Variants in APBB2 observed in about 807,000 individuals in gnomAD.
The protein encoded by APBB2 is amyloid beta precursor protein binding family B member 2.
APBB2 carries 38 observed loss-of-function variants against 82.5 expected under a neutral mutation model. That is an observed-to-expected ratio of 0.46 (90% CI 0.36 to 0.60). The LOEUF is 0.60. Ranked by LOEUF, APBB2 falls within the 20% of genes least tolerant of loss-of-function variation. APBB2 has a pLI of 0.00. For synonymous variants in APBB2, 341 were observed against 368.2 expected (o/e 0.93, Z 0.85); for missense variants, 772 against 972.3 (o/e 0.79, Z 2.74).
chr4:40,820,430 G>T (rs1399516310), intron 17 of APBB2, among the ~76,000 whole-genome samples: 1 of 152,154 alleles, frequency 6.6e-6, no homozygotes, highest in Non-Finnish European at 1.5e-5. Context: ...TTGGGAGGCT[G>T]AGGCGGGTGG....
At chr4:41,084,279 C>A (rs1280630359) in intron 3 of APBB2, among the ~76,000 whole-genome samples, 1 of 152,084 alleles carries the variant, frequency 6.6e-6, no homozygotes, top group Non-Finnish European at 1.5e-5. Flanking sequence ...ACAAAATTAA[C>A]CAGGCATGGT....
chr4:41,170,167 C>T (rs988072769), intron 1 of APBB2, among the ~76,000 whole-genome samples: 1 of 152,182 alleles, frequency 6.6e-6, no homozygotes, highest in African/African-American at 2.4e-5. Flanking sequence ...AACTGAAGTC[C>T]AGGGACATTT....
intron 1 of APBB2, among the ~76,000 whole-genome samples, chr4:41,175,396 T>C (rs1023571555): frequency 3.6e-4 from 55 of 152,342 alleles, no homozygotes; most frequent in African/African-American, 1.3e-3. Flanking sequence ...AATGTAACTT[T>C]ATTTCTGTCG....
chr4:41,191,050 G>T (rs965155102), intron 1 of APBB2, among the ~76,000 whole-genome samples: 1 of 152,136 alleles, frequency 6.6e-6, no homozygotes, highest in African/African-American at 2.4e-5. Flanking sequence ...AGCTTGGCAG[G>T]GACCCAGCGG....
chr4:40,898,208 C>G (rs558649468), intron 10 of APBB2, among the ~76,000 whole-genome samples: 74 of 152,312 alleles, frequency 4.9e-4, no homozygotes, highest in Middle Eastern at 3.4e-3. Flanking sequence ...TGGTAAAATG[C>G]TTAGCATCAT....
At chr4:41,199,164 A>G (rs1214443836) in intron 1 of APBB2, among the ~76,000 whole-genome samples, 2 of 147,638 alleles carry the variant, frequency 1.4e-5, no homozygotes, top group African/African-American at 5.2e-5. Context: ...TTTGGGGGGG[A>G]CACAATTTAA....
intron 3 of APBB2, among the ~76,000 whole-genome samples, chr4:41,067,955 G>T (rs756208865): frequency 6.6e-6 from 1 of 152,144 alleles, no homozygotes; most frequent in Admixed American, 6.5e-5. Flanking sequence ...AAAGTCTAAG[G>T]GGGAAGAGGT....
chr4:41,019,880 AAGTC>A (rs1811001692), intron 5 of APBB2, among the ~76,000 whole-genome samples: 1 of 151,990 alleles, frequency 6.6e-6, no homozygotes, highest in African/African-American at 2.4e-5. Context: ...AGGAGACAGA[AAGTC>A]AGAGAGAGAG....
At chr4:41,060,867 C>A (rs542080982) in intron 4 of APBB2, among the ~76,000 whole-genome samples, 2 of 152,264 alleles carry the variant, frequency 1.3e-5, no homozygotes, top group South Asian at 4.1e-4. Context: ...CAGGAGCAGC[C>A]CACACAGACT....
In APBB2 at chr4:40,910,221, C is replaced by T. The variant is rs1053824485; in HGVS notation, c.1255-16810G>A. On this transcript the variant is annotated intron_variant, in intron 10 of 17. Coordinates refer to ENST00000508593, the MANE Select transcript of APBB2 (RefSeq NM_004307.2). ...GACTTCAGGTGATCCGCCGCCTCGG[C>T]CTCCTAAAGTGCACTAGTCTTTTTT... Among the ~76,000 whole-genome samples, 3 of 151,490 alleles carry T rather than the reference C, an allele frequency of 2.0e-5. No individual in the cohort carries two copies. The South Asian group carries it at 6.3e-4, about 32-fold the overall frequency.
intron 12 of APBB2, among the ~76,000 whole-genome samples, chr4:40,848,072 G>GT (rs1217513536): frequency 6.6e-6 from 1 of 152,150 alleles, no homozygotes; most frequent in Admixed American, 6.5e-5. Flanking sequence ...TCTCAAAAAA[G>GT]TATTTGGATT....
chr4:40,999,567 C>T (rs1579123396), intron 6 of APBB2, among the ~76,000 whole-genome samples: 1 of 152,212 alleles, frequency 6.6e-6, no homozygotes, highest in East Asian at 1.9e-4. Context: ...AGTTTCACCA[C>T]TCAAGTGTCT....
rs549764650 is a variant in APBB2, at chr4:40,921,401, C to T, written c.1254+13055G>A. Among the ~76,000 whole-genome samples, 14 of 152,328 alleles carry T rather than the reference C, an allele frequency of 9.2e-5. No homozygotes were observed. The South Asian group carries it at 2.7e-3, about 29-fold the overall frequency. ...AATGGGAATAATAACTTCATCTCCCCTGCATGGTGGTTCTGAGAATCAGAC... is the reference window on the plus strand; with the variant it reads ...AATGGGAATAATAACTTCATCTCCCTTGCATGGTGGTTCTGAGAATCAGAC... On this transcript the variant is annotated intron_variant, in intron 10 of 17. Coordinates refer to ENST00000508593, the MANE Select transcript of APBB2 (RefSeq NM_004307.2).
chr4:40,856,869 G>A, intron 12 of APBB2: 1 of 888,504 alleles, frequency 1.1e-6, no homozygotes, highest in South Asian at 5.2e-5. Flanking sequence ...CAGGCAACTC[G>A]CTAAGCGCTG....
intron 4 of APBB2, among the ~76,000 whole-genome samples, chr4:41,044,960 T>C (rs1027870165): frequency 6.6e-6 from 1 of 152,174 alleles, no homozygotes; most frequent in Non-Finnish European, 1.5e-5. Context: ...ACCTGTATGT[T>C]GGATCTGCTT....
At chr4:40,854,290 C>G (rs1760420875) in intron 12 of APBB2, among the ~76,000 whole-genome samples, 1 of 152,134 alleles carries the variant, frequency 6.6e-6, no homozygotes. Context: ...TTTAAAAAGA[C>G]AAGTTACACT....
At chr4:40,956,486 CCTTATACTT>C (rs1179741574) in intron 6 of APBB2, among the ~76,000 whole-genome samples, 1 of 152,038 alleles carries the variant, frequency 6.6e-6, no homozygotes, top group Non-Finnish European at 1.5e-5. Context: ...GTTTCAAGGC[CCTTATACTT>C]CTTAATATGT....
rs566461309 is a variant in APBB2 at position 40,895,279 on chromosome 4, A to G, written c.1255-1868T>C. On this transcript the variant is annotated intron_variant, in intron 10 of 17. Transcript: ENST00000508593. ...CCCAGAGGAGAAGTGTGACCACCTC[A>G]GCAGCCACTCTGCTGATGGTGCACA... Among the ~76,000 whole-genome samples the G allele has an allele frequency of 7.9e-5, 12 of 152,380 alleles. No homozygotes were observed. The South Asian group carries it at 2.5e-3, about 32-fold the overall frequency.
At chr4:40,988,509 G>T (rs1801022062) in intron 6 of APBB2, among the ~76,000 whole-genome samples, 1 of 151,500 alleles carries the variant, frequency 6.6e-6, no homozygotes, top group Non-Finnish European at 1.5e-5. Context: ...ATGGTGGTGG[G>T]TGCCTGTAAT....
Sources: gnomAD v4.1 joint callset for allele counts (sites outside exome capture counted in the v4.1 genomes callset) on GRCh38, gnomAD v4.1.1 for gene constraint, MANE v1.5 for transcripts, NCBI Gene and HGNC (gene_info 2026-07-23, HGNC 2026-07-21) for gene names.